KAT5: variants seen among roughly 807,000 people sequenced by gnomAD.
The protein encoded by KAT5 is histone acetyltransferase KAT5.
A neutral mutation model predicts 68.1 loss-of-function variants in KAT5; 31 were observed. That is an observed-to-expected ratio of 0.46 (90% CI 0.34 to 0.61). The LOEUF is 0.61. KAT5 is among the 20% of genes least tolerant of loss of function. The pLI, the probability that KAT5 is intolerant of heterozygous loss-of-function variation, is 0.01. For synonymous variants in KAT5, 365 were observed against 292.6 expected, an observed-to-expected ratio of 1.25 and a Z score of -2.52; for missense variants, 451 against 725.5, an observed-to-expected ratio of 0.62 and a Z score of 4.35.
chr11:65,719,191 G>T lies in KAT5; in HGVS notation c.*10G>T. 1.9e-6 allele frequency: 3 copies of T among 1,612,840 alleles called. No homozygotes were observed. Among genetic ancestry groups the T allele is most frequent in the Non-Finnish European group, 2.5e-6 (3 of 1,179,620 alleles). Reference sequence around the variant, plus strand: ...GAGGGGGAAGTGGTGACCAGACACTGCCCACTGCAGTGCCAAGACGGCAGC... The same window carrying T: ...GAGGGGGAAGTGGTGACCAGACACTTCCCACTGCAGTGCCAAGACGGCAGC... On this transcript the variant is annotated 3_prime_UTR_variant, in exon 13 of 13. Coordinates refer to ENST00000341318, the MANE Select transcript of KAT5 (RefSeq NM_182710.3).
At chr11:65,718,794 C>T (rs1031858383) in intron 11 of KAT5, 45 bp downstream of exon 11, 10 of 1,613,936 alleles carry the variant, frequency 6.2e-6, no homozygotes, top group Admixed American at 1.7e-5. Flanking sequence ...CATGGCTTGT[C>T]TGTTCCTGGG....
chr11:65,715,095 GGA>G, intron 8 of KAT5, 185 bp downstream of exon 8: 1 of 617,934 alleles, frequency 1.6e-6, no homozygotes, highest in East Asian at 2.8e-5. Context: ...TTAGTCCATG[GGA>G]GAGACAGTCA....
chr11:65,716,126 C>T (rs1235528787), intron 8 of KAT5: 1 of 153,476 alleles, frequency 6.5e-6, no homozygotes, highest in Non-Finnish European at 1.4e-5. Context: ...AACCCTAAGG[C>T]AGTTATTTTG....
rs1236840209 is a variant in KAT5 at position 65,717,668 on chromosome 11, C to G, written c.1264+686C>G. On this transcript the variant is annotated intron_variant, in intron 10 of 12. Transcript: ENST00000341318. ...TGAAGACACAGAGGCTTTACCTGAT[C>G]AAGGTTATGGTCCATTCGAGAAATT... is the stretch of plus-strand genomic sequence containing the variant. 1.9e-5 allele frequency: 3 copies of G among 153,972 alleles called. No homozygotes were observed. In the East Asian group the frequency reaches 5.8e-4, roughly 30 times the overall value. The allele number at this position is 153,972 out of a possible 1,614,324, so 9.5% of individuals were successfully genotyped here.
rs371125154 is a variant in KAT5 at position 65,718,758 on chromosome 11, G to A, written c.1424+9G>A. 7.4e-6 allele frequency: 12 copies of A among 1,614,024 alleles called. No individual in the cohort carries two copies. The highest frequency in any genetic ancestry group is 1.0e-5 in the Non-Finnish European group (12 of 1,180,012). ...CCACAGATCACCATCAAGTGAGCCT[G>A]GCGCTGTCTACCTGGGGGTACATGG... is the stretch of plus-strand genomic sequence containing the variant. On this transcript the variant is annotated intron_variant, in intron 11 of 12. Transcript: ENST00000341318.
At chr11:65,717,670 A>G in intron 10 of KAT5, 1 of 153,930 alleles carries the variant, frequency 6.5e-6, no homozygotes, top group Non-Finnish European at 1.4e-5. Flanking sequence ...TACCTGATCA[A>G]GGTTATGGTC....
chr11:65,712,206 G>A (rs751469425), upstream of KAT5: 6 of 1,374,990 alleles, frequency 4.4e-6, no homozygotes, highest in Non-Finnish European at 5.7e-6. Flanking sequence ...GGCCCACAGG[G>A]CGCTCGGTCC....
At chr11:65,718,203 A>G (rs1165660111) in intron 10 of KAT5, 1 of 176,874 alleles carries the variant, frequency 5.7e-6, no homozygotes, top group East Asian at 1.5e-4. Flanking sequence ...GGTCTGGATT[A>G]GAGACAGGAA....
rs1490861986 is a variant in KAT5 at position 65,716,653 on chromosome 11, CT to C, written c.1030-10del. On this transcript the variant is annotated splice_polypyrimidine_tract_variant and intron_variant, in intron 8 of 12. Coordinates refer to ENST00000341318, the MANE Select transcript of KAT5 (RefSeq NM_182710.3). Reference sequence around the variant, plus strand: ...CGGGATACCCAGAGTGGTGACAAGCCTTTTCTCTTGCAGAGTTATTCCCAGA... The same window carrying C: ...CGGGATACCCAGAGTGGTGACAAGCCTTTCTCTTGCAGAGTTATTCCCAGA... The C allele has an allele frequency of 1.9e-6, 3 of 1,612,536 alleles. No homozygotes were observed.
Position 65,712,353 on chromosome 11 carries a change from AC to A in KAT5, c.89del (p.Pro30LeufsTer11), listed in dbSNP as rs1445219201. The A allele has an allele frequency of 1.3e-6, 2 of 1,537,700 alleles. No homozygotes were observed. Among genetic ancestry groups the A allele is most frequent in the South Asian group, 1.3e-5 (1 of 79,084 alleles). ...AGAGCCCGAGGCCCCCCAGTAGCCG[AC>A]CCTGGCGTCGCGCTGTCTCCCCAGG... ...VGRARGPPVADPGVALSPQGE... is the reference protein window; with the variant it reads ...VGRARGPPVAXPGVALSPQGE... On this transcript the variant is annotated frameshift_variant, in exon 1 of 13. Coordinates refer to ENST00000341318, the MANE Select transcript of KAT5 (RefSeq NM_182710.3). LOFTEE classifies it high-confidence loss of function.
chr11:65,719,195 A>G lies in KAT5; in HGVS notation c.*14A>G, dbSNP rs781241858. The stretch of plus-strand genomic sequence containing the variant: ...GGGAAGTGGTGACCAGACACTGCCC[A>G]CTGCAGTGCCAAGACGGCAGCAGGA... On this transcript the variant is annotated 3_prime_UTR_variant, in exon 13 of 13. Transcript: ENST00000341318. 2.3e-5 allele frequency: 37 copies of G among 1,612,380 alleles called. No individual in the cohort carries two copies. The Admixed American group carries it at 6.0e-4, about 26-fold the overall frequency.
rs767092355 is a variant in KAT5, at chr11:65,712,288, G to A, written c.21G>A (p.Pro7=). ...GGAAGATGGCGGAGGTGGTGAGTCC[G>A]GTGCCCGGGGCGGGGCGGAGGGAGC... is the stretch of plus-strand genomic sequence containing the variant. MAEVVS[P]VPGAGRREPG... Residue 7 remains proline (P), a synonymous_variant, in exon 1 of 13, where the codon CCG becomes CCA. Transcript: ENST00000341318. The A allele has an allele frequency of 3.5e-6, 5 of 1,442,878 alleles. No homozygotes were observed. Among genetic ancestry groups the A allele is most frequent in the South Asian group, 1.5e-5 (1 of 66,804 alleles). The allele number at this position is 1,442,878 out of a possible 1,614,324, so 89.4% of individuals were successfully genotyped here.
rs769402320 is a variant in KAT5 at position 65,713,776 on chromosome 11, T to G, written c.618T>G (p.Asn206Lys). 6.2e-7 allele frequency: 1 copy of G among 1,612,358 alleles called. No individual in the cohort carries two copies. The highest frequency in any genetic ancestry group is 1.3e-5 in the African/African-American group (1 of 74,888). Residue 206 changes from asparagine to lysine, a missense_variant and splice_region_variant, in exon 6 of 13, where the codon AAT becomes AAG. Asn to Lys is a moderately conservative substitution (Grantham distance 94, BLOSUM62 0). Transcript: ENST00000341318. ...TTCTTTTCCTACTATCTCGGCAGAA[T>G]GGAGCCGCCCGTAGGGCAGTGGCAG... is the stretch of plus-strand genomic sequence containing the variant. Reference protein sequence around the residue: ...ETAPASVFPQNGAARRAVAAQ... With the variant: ...ETAPASVFPQKGAARRAVAAQ...
At chr11:65,715,457 G>C (rs558910681) in intron 8 of KAT5, 1 of 166,346 alleles carries the variant, frequency 6.0e-6, no homozygotes, top group Admixed American at 5.6e-5. Context: ...CCCAGCAGCA[G>C]GCGGTTAAAA....
chr11:65,712,563 T>C, intron 1 of KAT5, 118 bp downstream of exon 1: 1 of 1,320,150 alleles, frequency 7.6e-7, no homozygotes, highest in Non-Finnish European at 1.0e-6. Context: ...GCAGATACTT[T>C]GATGAAGGGG....
At chr11:65,714,051 T>C (rs4645915) in intron 6 of KAT5, 48,475 of 597,420 alleles carry the variant, frequency 0.081, 2,498 homozygotes, top group East Asian at 0.17. Context: ...TCCCAGCACT[T>C]TGGGAGTCCA....
In KAT5 at chr11:65,716,954, G is replaced by C; in HGVS notation, c.1236G>C (p.Arg412=). ...TAACCCTGCCTCCCTACCAGCGCCG[G>C]GGCTACGGCAAGCTGCTGATCGAGT... ...CILTLPPYQR[R]GYGKLLIEFS... Residue 412 remains arginine (R), a synonymous_variant, in exon 10 of 13, where the codon CGG becomes CGC. Coordinates refer to ENST00000341318, the MANE Select transcript of KAT5 (RefSeq NM_182710.3). The C allele has an allele frequency of 1.2e-6, 2 of 1,614,098 alleles. No individual in the cohort carries two copies. Among genetic ancestry groups the C allele is most frequent in the Non-Finnish European group, 1.7e-6 (2 of 1,179,966 alleles).
intron 8 of KAT5, 48 bp downstream of exon 8, chr11:65,714,958 C>G: frequency 6.6e-7 from 1 of 1,509,204 alleles, no homozygotes; most frequent in South Asian, 1.1e-5. Context: ...CAAATGACAG[C>G]TTCTTCTTGC....
rs199779470 is a variant in KAT5, at chr11:65,719,210, C to T, written c.*29C>T. The T allele has an allele frequency of 4.0e-4, 638 of 1,609,744 alleles. 1 individual carries two copies. The highest frequency in any genetic ancestry group is 2.9e-3 in the South Asian group (262 of 90,632). ...GACACTGCCCACTGCAGTGCCAAGA[C>T]GGCAGCAGGACTGGGGCTGATAGCC... On this transcript the variant is annotated 3_prime_UTR_variant, in exon 13 of 13. Transcript: ENST00000341318.
Sources: gnomAD v4.1 joint callset for allele counts on GRCh38, gnomAD v4.1.1 for gene constraint, MANE v1.5 for transcripts, NCBI Gene and HGNC (gene_info 2026-07-23, HGNC 2026-07-21) for gene names.